Variants in CHD2 observed in about 807,000 individuals in gnomAD.
CHD2 encodes ATP-dependent chromatin remodeler CHD2.
CHD2 carries 28 observed loss-of-function variants against 243.9 expected under a neutral mutation model. That is an observed-to-expected ratio of 0.11 (90% CI 0.09 to 0.16). CHD2 has a LOEUF of 0.16. Ranked by LOEUF, CHD2 falls within the 10% of genes least tolerant of loss-of-function variation. The pLI, the probability that CHD2 is intolerant of heterozygous loss-of-function variation, is 1.00. For synonymous variants in CHD2, 775 were observed against 779.0 expected, an observed-to-expected ratio of 0.99 and a Z score of 0.09; for missense variants, 1,386 against 2,209.8, an observed-to-expected ratio of 0.63 and a Z score of 7.47.
chr15:92,907,598 C>G (rs2052646462), intron 2 of CHD2, among the ~76,000 whole-genome samples: 1 of 152,042 alleles, frequency 6.6e-6, no homozygotes, highest in African/African-American at 2.4e-5. Context: ...AATTTTTGTT[C>G]CCAGTTTAGG....
Position 92,924,553 on chromosome 15 carries a change from G to T in CHD2, c.294+1G>T, listed in dbSNP as rs758587018. The T allele has an allele frequency of 6.2e-7, 1 of 1,612,792 alleles. No individual in the cohort carries two copies. Among genetic ancestry groups the T allele is most frequent in the Non-Finnish European group, 8.5e-7 (1 of 1,178,850 alleles). On this transcript the variant is annotated splice_donor_variant, in intron 3 of 38. Coordinates refer to ENST00000394196, the MANE Select transcript of CHD2 (RefSeq NM_001271.4). LOFTEE classifies it high-confidence loss of function. Reference sequence around the variant, plus strand: ...GGAACGGATAGCTGATGTGAAGAAGGTATCTACTTTGCCCTGCAGTACAAA... The same window carrying T: ...GGAACGGATAGCTGATGTGAAGAAGTTATCTACTTTGCCCTGCAGTACAAA...
At chr15:92,958,339 C>G (rs1051606747) in intron 16 of CHD2, among the ~76,000 whole-genome samples, 1 of 152,192 alleles carries the variant, frequency 6.6e-6, no homozygotes, top group Non-Finnish European at 1.5e-5. Flanking sequence ...TTGCATTTCC[C>G]TAATGACTAA....
At chr15:92,967,103 A>G (rs1407124551) in intron 16 of CHD2, among the ~76,000 whole-genome samples, 1 of 152,134 alleles carries the variant, frequency 6.6e-6, no homozygotes, top group Non-Finnish European at 1.5e-5. Context: ...TATTTTATTA[A>G]CTCTGAATTC....
chr15:92,958,893 G>A (rs190178756), intron 16 of CHD2, among the ~76,000 whole-genome samples: 5 of 152,202 alleles, frequency 3.3e-5, no homozygotes, highest in Non-Finnish European at 5.9e-5. Flanking sequence ...GTAGGCTACG[G>A]TGTGATGTTC....
Position 92,945,851 on chromosome 15 carries a change from A to T in CHD2, c.1184A>T (p.Gln395Leu). 1.3e-6 allele frequency: 2 copies of T among 1,585,652 alleles called. No individual in the cohort carries two copies. The highest frequency in any genetic ancestry group is 1.7e-6 in the Non-Finnish European group (2 of 1,163,902). ...AAGACAAGTAAATCTACATTGGGTC[A>T]AACAGATTTTCCAGGTAAGCAAGAA... ...AVKTSKSTLG[Q>L]TDFPAHSRKP... Residue 395 changes from glutamine (Q) to leucine (L), a missense_variant, in exon 11 of 39, where the codon CAA (glutamine) becomes CTA (leucine). Physicochemically the swap from Gln to Leu is moderately radical, Grantham distance 113. This residue lies in a region of CHD2 where 200 missense variants were observed against 292.5 expected (regional missense o/e 0.68). Transcript: ENST00000394196.
chr15:92,932,050 G>T (rs1032556588), intron 5 of CHD2, among the ~76,000 whole-genome samples: 4 of 152,054 alleles, frequency 2.6e-5, no homozygotes, highest in Admixed American at 6.6e-5. Flanking sequence ...TTTTAATAGA[G>T]ACGGGGTTTC....
At position 92,974,956 on chromosome 15, in the gene CHD2, C is replaced by T. The variant is rs1268969643; in HGVS notation, c.2577+6C>T. The T allele has an allele frequency of 6.2e-7, 1 of 1,612,094 alleles. No individual in the cohort carries two copies. The highest frequency in any genetic ancestry group is 8.5e-7 in the Non-Finnish European group (1 of 1,178,592). ...TCAATGCAGATGGGTCTGAGGTATA[C>T]TATGCATGGCTTTGTTATTTGAGCA... On this transcript the variant is annotated splice_donor_region_variant and intron_variant, in intron 20 of 38. Transcript: ENST00000394196.
At chr15:92,948,051 C>G (rs1056167199) in intron 12 of CHD2, among the ~76,000 whole-genome samples, 1 of 152,126 alleles carries the variant, frequency 6.6e-6, no homozygotes, top group East Asian at 1.9e-4. Context: ...ACTTTTTGAT[C>G]GGTTGTTTCC....
In CHD2 at chr15:92,945,696, AT is replaced by A. The variant is rs113903945; in HGVS notation, c.1154-113del. On this transcript the variant is annotated intron_variant, in intron 10 of 38. Transcript: ENST00000394196. The stretch of plus-strand genomic sequence containing the variant: ...TACAGGCGTGAGCCACTATAATCCC[AT>A]TTTTTTTTTTTCTTTTTTAAGGTGT... 0.041 allele frequency: 18,643 copies of A among 456,570 alleles called. 81 individuals are homozygous for A. Among genetic ancestry groups the A allele is most frequent in the African/African-American group, 0.069 (3,237 of 46,972 alleles). 28.3% of individuals were successfully genotyped at this position (456,570 alleles called of 1,614,324 possible). A position where few individuals can be genotyped will look rare whatever the true frequency, so the allele number is the denominator to read the frequency against.
chr15:92,955,764 A>G lies in CHD2; in HGVS notation c.1809+252A>G, dbSNP rs1414731249. On this transcript the variant is annotated intron_variant, in intron 15 of 38. Coordinates refer to ENST00000394196, the MANE Select transcript of CHD2 (RefSeq NM_001271.4). ...CGTTATAAATAGAAAACAGAACCCT[A>G]TAGATGAGGGGACCTTAGGTCACCA... Among the ~76,000 whole-genome samples the G allele has an allele frequency of 3.3e-5, 5 of 152,368 alleles. No homozygotes were observed. In the East Asian group the frequency reaches 9.6e-4, roughly 29 times the overall value.
At chr15:93,007,752 C>T (rs562468839) in intron 34 of CHD2, among the ~76,000 whole-genome samples, 5 of 152,244 alleles carry the variant, frequency 3.3e-5, no homozygotes, top group Admixed American at 2.0e-4. Flanking sequence ...GTTTGGATAT[C>T]GAATTCTGGA....
At chr15:92,986,942 G>T (rs2054051282) in intron 26 of CHD2, among the ~76,000 whole-genome samples, 1 of 151,538 alleles carries the variant, frequency 6.6e-6, no homozygotes, top group African/African-American at 2.4e-5. Context: ...TCATTATGTT[G>T]CCCAGGCTGG....
intron 2 of CHD2, among the ~76,000 whole-genome samples, chr15:92,904,105 A>G (rs1473930282): frequency 6.6e-6 from 1 of 152,070 alleles, no homozygotes; most frequent in Non-Finnish European, 1.5e-5. Context: ...CTTCTGGGGA[A>G]CTCTGGTGCC....
chr15:92,905,032 T>G, intron 2 of CHD2: 1 of 1,520,532 alleles, frequency 6.6e-7, no homozygotes, highest in South Asian at 1.2e-5. Flanking sequence ...AAGTACTATA[T>G]ATTTAAGATT....
intron 13 of CHD2, among the ~76,000 whole-genome samples, chr15:92,950,997 G>A (rs1030972626): frequency 1.3e-5 from 2 of 152,086 alleles, no homozygotes; most frequent in African/African-American, 4.8e-5. Flanking sequence ...CCTTTTAGAG[G>A]TTAGTGGGAC....
At chr15:93,004,874 A>T (rs541463297) in intron 34 of CHD2, 123 bp downstream of exon 34, 89 of 1,017,898 alleles carry the variant, frequency 8.7e-5, no homozygotes, top group Non-Finnish European at 1.2e-4. Context: ...TGGGAAACAC[A>T]TTGCTTACAG....
At chr15:92,956,409 G>A in intron 15 of CHD2, 50 bp from the exon 16 acceptor site, 3 of 1,405,038 alleles carry the variant, frequency 2.1e-6, no homozygotes, top group South Asian at 2.5e-5. Flanking sequence ...GAAAGCACTT[G>A]TGGGTTCCCT....
At chr15:92,989,720 C>T (rs1459897678) in intron 26 of CHD2, among the ~76,000 whole-genome samples, 2 of 152,184 alleles carry the variant, frequency 1.3e-5, no homozygotes, top group Non-Finnish European at 2.9e-5. Flanking sequence ...TTCCTGCTTG[C>T]ACAGTTGCTC....
rs1472886702 is a variant in CHD2 at position 92,956,730 on chromosome 15, G to A, written c.2000+81G>A. On this transcript the variant is annotated intron_variant, in intron 16 of 38. Coordinates refer to ENST00000394196, the MANE Select transcript of CHD2 (RefSeq NM_001271.4). Reference sequence around the variant, plus strand: ...TTTTTAACTTTCTTAGTAGACCTTAGGGAAAACAGATGGCATGGTTTGGGG... The same window carrying A: ...TTTTTAACTTTCTTAGTAGACCTTAAGGAAAACAGATGGCATGGTTTGGGG... The A allele has an allele frequency of 3.0e-6, 4 of 1,320,486 alleles. No homozygotes were observed. The Admixed American group carries it at 7.1e-5, about 24-fold the overall frequency. The allele number at this position is 1,320,486 out of a possible 1,614,324, so 81.8% of individuals were successfully genotyped here.
Sources: gnomAD v4.1 joint callset for allele counts (sites outside exome capture counted in the v4.1 genomes callset) on GRCh38, gnomAD v4.1.1 for gene constraint, gnomAD v4.1.1 regional missense constraint, MANE v1.5 for transcripts, NCBI Gene and HGNC (gene_info 2026-07-23, HGNC 2026-07-21) for gene names.